The following VASH1 variants were observed in gnomAD, a reference collection of about 807,000 sequenced individuals.
VASH1 encodes the protein vasohibin 1.
A neutral mutation model predicts 35.0 loss-of-function variants in VASH1; 16 were observed. The observed-to-expected ratio is 0.46, with a 90% confidence interval of 0.31 to 0.70. The LOEUF is 0.70. Ranked by LOEUF, VASH1 falls within the 30% of genes least tolerant of loss-of-function variation. VASH1 has a pLI of 0.05. For missense variants in VASH1, 505 were observed against 510.7 expected (o/e 0.99, Z 0.11); for synonymous variants, 214 against 200.9 (o/e 1.07, Z -0.55).
In VASH1 at chr14:76,777,988, C is replaced by T. The variant is rs1199688992; in HGVS notation, c.942C>T (p.Pro314=). ...GCAAAGGGACGGGCCCTCCCTCTCC[C>T]ACCAAGGACCGGAAGAAGGATGTTT... The part of the protein sequence containing the change: ...KIGKGTGPPS[P]TKDRKKDVSS... Residue 314 remains proline, a synonymous_variant, in exon 6 of 7, where the codon CCC becomes CCT. Transcript: ENST00000167106. 1.3e-6 allele frequency: 2 copies of T among 1,543,964 alleles called. No individual in the cohort carries two copies. Among genetic ancestry groups the T allele is most frequent in the Non-Finnish European group, 1.7e-6 (2 of 1,146,180 alleles).
rs1893511621 is a variant in VASH1, at chr14:76,761,794, C to T, written c.-1028C>T. Among the ~76,000 whole-genome samples, 2 of 151,972 alleles carry T rather than the reference C, an allele frequency of 1.3e-5. No individual in the cohort carries two copies. Among genetic ancestry groups the T allele is most frequent in the East Asian group, 3.9e-4 (2 of 5,180 alleles). On this transcript the variant is annotated 5_prime_UTR_variant, in exon 1 of 7. Transcript: ENST00000167106. ...GCAGCCCGAGCGAACAGCCACGGAGCATCCTCCGCCCGCCCGGGCCGCGCC... is the reference window on the plus strand; with the variant it reads ...GCAGCCCGAGCGAACAGCCACGGAGTATCCTCCGCCCGCCCGGGCCGCGCC...
chr14:76,776,219 C>T lies in VASH1; in HGVS notation c.858C>T (p.Gly286=), dbSNP rs1425824138. Residue 286 remains glycine, a synonymous_variant, in exon 5 of 7, where the codon GGC becomes GGT. Coordinates refer to ENST00000167106, the MANE Select transcript of VASH1 (RefSeq NM_014909.5). ...KHSVLDVERL[G]RDDFRKELER... is the part of the protein sequence containing the mutation. ...CGGTGCTGGACGTGGAGCGCCTGGG[C>T]CGCGATGACTTCCGCAAGGAGCTGG... 1.2e-6 allele frequency: 2 copies of T among 1,608,908 alleles called. No homozygotes were observed. The highest frequency in any genetic ancestry group is 2.2e-5 in the East Asian group (1 of 44,848).
rs774071200 is a variant in VASH1, at chr14:76,776,289, ACGCCCTCGCCCC to A, written c.912+18_912+29del. 1.5e-5 allele frequency: 23 copies of A among 1,547,196 alleles called. No individual in the cohort carries two copies. The South Asian group carries it at 2.3e-4, about 15-fold the overall frequency. On this transcript the variant is annotated intron_variant, in intron 5 of 6. Transcript: ENST00000167106. ...GCGGCTCAAGGTCTGCCCGCCTTCC[ACGCCCTCGCCCC>A]CTCCCTCGCCCCCTCCCCCGCCCCA...
chr14:76,769,308 G>T, intron 1 of VASH1: 1 of 1,288,908 alleles, frequency 7.8e-7, no homozygotes, highest in African/African-American at 1.5e-5. Flanking sequence ...TGGCAGGAAA[G>T]AGAAGACTTG....
intron 1 of VASH1, 108 bp from the exon 2 acceptor site, chr14:76,769,855 G>C (rs1893743164): frequency 9.3e-7 from 1 of 1,074,518 alleles, no homozygotes; most frequent in Non-Finnish European, 1.4e-6. Flanking sequence ...AGGGGAGGCT[G>C]TGCCTCCCCA....
At chr14:76,768,879 C>T (rs764258551) in intron 1 of VASH1, among the ~76,000 whole-genome samples, 4 of 152,140 alleles carry the variant, frequency 2.6e-5, no homozygotes, top group Admixed American at 2.6e-4. Flanking sequence ...ATGTGGGGAG[C>T]CTTACAGCTA....
chr14:76,762,789 C>T lies in VASH1; in HGVS notation c.-33C>T. ...AGGCCTCTTGTGAGCCAGTTGTTTT[C>T]CCGCCTCCACCACCCCCCTCGAAGA... On this transcript the variant is annotated 5_prime_UTR_variant, in exon 1 of 7. Transcript: ENST00000167106. 2.1e-6 allele frequency: 3 copies of T among 1,437,272 alleles called. No individual in the cohort carries two copies. Among genetic ancestry groups the T allele is most frequent in the Non-Finnish European group, 2.7e-6 (3 of 1,092,856 alleles). The allele number at this position is 1,437,272 out of a possible 1,614,324, so 89.0% of individuals were successfully genotyped here.
At chr14:76,778,723 C>A (rs1894015711) in intron 6 of VASH1, among the ~76,000 whole-genome samples, 1 of 152,226 alleles carries the variant, frequency 6.6e-6, no homozygotes, top group Non-Finnish European at 1.5e-5. Flanking sequence ...TAGCCAGCCT[C>A]CAGCAGCGAG....
At chr14:76,765,206 TAGTG>T (rs60851333) in intron 1 of VASH1, among the ~76,000 whole-genome samples, 29,322 of 151,832 alleles carry the variant, frequency 0.19, 2,939 homozygotes, top group East Asian at 0.31. Flanking sequence ...AAAAAAGAAA[TAGTG>T]AGCTCACTAG....
At chr14:76,765,150 A>C (rs1566681485) in intron 1 of VASH1, among the ~76,000 whole-genome samples, 4 of 152,172 alleles carry the variant, frequency 2.6e-5, no homozygotes, top group Admixed American at 2.0e-4. Flanking sequence ...AGGCCATAAA[A>C]GAGTGTGAAT....
At chr14:76,772,969 T>TTCCG (rs1370966262) in intron 3 of VASH1, among the ~76,000 whole-genome samples, 168 bp from the exon 4 acceptor site, 4 of 152,190 alleles carry the variant, frequency 2.6e-5, no homozygotes, top group African/African-American at 9.6e-5. Flanking sequence ...GGCTCCAGAC[T>TTCCG]TCCGTCCGTC....
In VASH1 at chr14:76,776,106, C is replaced by G; in HGVS notation, c.745C>G (p.Arg249Gly). 1.2e-6 allele frequency: 2 copies of G among 1,609,048 alleles called. No individual in the cohort carries two copies. The highest frequency in any genetic ancestry group is 1.7e-6 in the Non-Finnish European group (2 of 1,179,544). ...GCTGGACTTCGAGGCCGCCTACGGC[C>G]GCTGCTGGCACGTGCTCAAGAAGGT... ...LVLDFEAAYG[R>G]CWHVLKKVKL... Residue 249 changes from arginine to glycine, a missense_variant, in exon 5 of 7, where the codon CGC (arginine) becomes GGC (glycine). By Grantham distance (125) the Arg-to-Gly change is moderately radical (BLOSUM62 -2). Coordinates refer to ENST00000167106, the MANE Select transcript of VASH1 (RefSeq NM_014909.5).
Position 76,776,268 on chromosome 14 carries a change from C to T in VASH1, c.907C>T (p.Leu303Phe). 6.3e-7 allele frequency: 1 copy of T among 1,588,704 alleles called. No homozygotes were observed. The highest frequency in any genetic ancestry group is 8.5e-7 in the Non-Finnish European group (1 of 1,170,848). The change falls in exon 5 of 7, where the codon CTC becomes TTC. Residue 303 changes from leucine (L) to phenylalanine (F), a missense_variant. Transcript: ENST00000167106. ...ELERHARDMR[L>F]KIGKGTGPPS... ...GGAGCGCCACGCCCGCGACATGCGG[C>T]TCAAGGTCTGCCCGCCTTCCACGCC...
chr14:76,769,441 G>A (rs1273840507), intron 1 of VASH1: 2 of 1,289,126 alleles, frequency 1.6e-6, no homozygotes, highest in Admixed American at 2.3e-5. Flanking sequence ...TTGGTGCTCT[G>A]GAAGGCATGG....
chr14:76,769,898 T>A (rs910839544), intron 1 of VASH1, 65 bp from the exon 2 acceptor site: 20 of 1,542,290 alleles, frequency 1.3e-5, no homozygotes, highest in Non-Finnish European at 1.8e-5. Flanking sequence ...GTCCTAGGTG[T>A]TTGGTGGACT....
chr14:76,775,825 C>T (rs900205199), intron 4 of VASH1, 67 bp from the exon 5 acceptor site: 15 of 1,482,440 alleles, frequency 1.0e-5, no homozygotes, highest in Non-Finnish European at 1.3e-5. Context: ...GGCTCCCGGT[C>T]CCAGTCCCTC....
Position 76,762,890 on chromosome 14 carries a change from C to CA in VASH1, c.69_70insA (p.Ala24SerfsTer20). ...CCACTCCAACGTCCGCTGCGGCCAC[C>CA]GCCCCCTCTGGGGTCAGGCGTTTGG... On this transcript the variant is annotated frameshift_variant, in exon 1 of 7. Coordinates refer to ENST00000167106, the MANE Select transcript of VASH1 (RefSeq NM_014909.5). LOFTEE classifies it high-confidence loss of function. 1 of 1,555,072 alleles carries CA rather than the reference C, an allele frequency of 6.4e-7. No individual in the cohort carries two copies. Among genetic ancestry groups the CA allele is most frequent in the Non-Finnish European group, 8.7e-7 (1 of 1,150,384 alleles).
At chr14:76,773,323 A>G in intron 4 of VASH1, 112 bp downstream of exon 4, 1 of 1,088,336 alleles carries the variant, frequency 9.2e-7, no homozygotes, top group Non-Finnish European at 1.4e-6. Flanking sequence ...TCCCATATGC[A>G]GTCATCTGCT....
intron 1 of VASH1, 56 bp downstream of exon 1, chr14:76,763,186 G>T: frequency 7.3e-7 from 1 of 1,369,216 alleles, no homozygotes; most frequent in East Asian, 2.8e-5. Context: ...GTGACCTTGG[G>T]GCCAAGAGTG....
Sources: allele counts gnomAD v4.1 joint callset (sites outside exome capture counted in the v4.1 genomes callset), GRCh38; gene constraint gnomAD v4.1.1; transcripts MANE v1.5; gene names NCBI Gene and HGNC (gene_info 2026-07-23, HGNC 2026-07-21).